The following SNTB1 variants were observed in gnomAD, a reference collection of about 807,000 sequenced individuals.
The protein encoded by SNTB1 is syntrophin beta 1.
A neutral mutation model predicts 48.9 loss-of-function variants in SNTB1; 36 were observed. The ratio of observed to expected loss-of-function variants is 0.74; its 90% CI spans 0.56 to 0.97. The LOEUF is 0.97. SNTB1 is among the 50% of genes least tolerant of loss of function. The probability of loss-of-function intolerance (pLI) is 0.00; values close to 1 mark genes in which losing one functional copy is unlikely to be tolerated. For synonymous variants in SNTB1, 299 were observed against 294.6 expected (o/e 1.01, Z -0.15); for missense variants, 786 against 703.4 (o/e 1.12, Z -1.33).
At chr8:120,632,399 A>T in intron 3 of SNTB1, 45 bp downstream of exon 3, 1 of 1,549,872 alleles carries the variant, frequency 6.5e-7, no homozygotes, top group Non-Finnish European at 8.8e-7. Context: ...GCGCTGGGGG[A>T]ATCTCGGGGA....
intron 4 of SNTB1, among the ~76,000 whole-genome samples, chr8:120,567,766 G>C (rs1011609876): frequency 1.2e-4 from 18 of 150,360 alleles, no homozygotes; most frequent in African/African-American, 4.2e-4. Flanking sequence ...AAGGTGATTA[G>C]TTAGTAGACA....
intron 3 of SNTB1, among the ~76,000 whole-genome samples, chr8:120,611,823 A>G (rs796754626): frequency 2.3e-5 from 1 of 44,076 alleles, no homozygotes; most frequent in Non-Finnish European, 8.6e-5. Context: ...CTCTGTCTCG[A>G]AAAAAAAAAA....
chr8:120,760,624 C>T (rs997110578), intron 1 of SNTB1, among the ~76,000 whole-genome samples: 2 of 152,010 alleles, frequency 1.3e-5, no homozygotes, highest in Non-Finnish European at 2.9e-5. Context: ...AAGAAAAATC[C>T]CCTCATCCTT....
At chr8:120,554,487 G>A (rs1815532609) in intron 4 of SNTB1, among the ~76,000 whole-genome samples, 1 of 152,284 alleles carries the variant, frequency 6.6e-6, no homozygotes, top group Admixed American at 6.5e-5. Flanking sequence ...GATTGGTTTT[G>A]ACCTGCGTGG....
intron 1 of SNTB1, among the ~76,000 whole-genome samples, chr8:120,736,199 A>G (rs1818940867): frequency 6.6e-6 from 1 of 152,132 alleles, no homozygotes. Flanking sequence ...AACTGTCCCC[A>G]TGATTCAATT....
intron 3 of SNTB1, among the ~76,000 whole-genome samples, chr8:120,596,277 T>C (rs1423320321): frequency 6.6e-6 from 1 of 152,186 alleles, no homozygotes; most frequent in Non-Finnish European, 1.5e-5. Flanking sequence ...CAAAAATCTA[T>C]CATGATATTT....
chr8:120,705,516 A>G (rs1439702785), intron 1 of SNTB1, among the ~76,000 whole-genome samples: 1 of 152,220 alleles, frequency 6.6e-6, no homozygotes, highest in Non-Finnish European at 1.5e-5. Context: ...TGGGTTCAAT[A>G]TAAGAAAAGA....
At chr8:120,608,212 T>G (rs4314683) in intron 3 of SNTB1, among the ~76,000 whole-genome samples, 1 of 151,886 alleles carries the variant, frequency 6.6e-6, no homozygotes, top group Non-Finnish European at 1.5e-5. Flanking sequence ...AATTTCAAAT[T>G]GCAAAAGATA....
intron 4 of SNTB1, among the ~76,000 whole-genome samples, chr8:120,572,651 G>C (rs1424510002): frequency 6.6e-6 from 1 of 152,200 alleles, no homozygotes; most frequent in East Asian, 1.9e-4. Context: ...CACTATGGGA[G>C]GCCGAGGGAG....
At chr8:120,757,955 GA>G (rs1468054623) in intron 1 of SNTB1, among the ~76,000 whole-genome samples, 1 of 152,194 alleles carries the variant, frequency 6.6e-6, no homozygotes, top group Non-Finnish European at 1.5e-5. Flanking sequence ...AAACTGGAAA[GA>G]AAAGTAGTAA....
rs1171141442 is a variant in SNTB1 at position 120,536,516 on chromosome 8, T to C, written c.*2361A>G. ...TTCAAAATAAGAAAGAAATGAGTATTGGAAATTGATTCATTAGAGCCTCTC... is the reference window on the plus strand; with the variant it reads ...TTCAAAATAAGAAAGAAATGAGTATCGGAAATTGATTCATTAGAGCCTCTC... On this transcript the variant is annotated 3_prime_UTR_variant, in exon 7 of 7. Transcript: ENST00000517992. 1 of 152,176 alleles carries C rather than the reference T, an allele frequency of 6.6e-6. No homozygotes were observed. The highest frequency in any genetic ancestry group is 1.9e-4 in the East Asian group (1 of 5,196). The allele number at this position is 152,176 out of a possible 1,614,324, so 9.4% of individuals were successfully genotyped here.
intron 1 of SNTB1, among the ~76,000 whole-genome samples, chr8:120,760,125 T>C (rs1056691552): frequency 2.0e-5 from 3 of 152,206 alleles, no homozygotes; most frequent in Non-Finnish European, 4.4e-5. Flanking sequence ...GAATTTGATA[T>C]AATTTTTACA....
At chr8:120,584,595 A>G (rs1317752112) in intron 3 of SNTB1, among the ~76,000 whole-genome samples, 1 of 152,132 alleles carries the variant, frequency 6.6e-6, no homozygotes, top group Non-Finnish European at 1.5e-5. Flanking sequence ...TCAAGGGAGG[A>G]AAGGGCTGAG....
intron 1 of SNTB1, among the ~76,000 whole-genome samples, chr8:120,713,035 C>A (rs139106560): frequency 3.9e-5 from 6 of 152,166 alleles, no homozygotes; most frequent in Admixed American, 2.6e-4. Flanking sequence ...TGCATTGACT[C>A]CATAGTGGAG....
intron 2 of SNTB1, among the ~76,000 whole-genome samples, chr8:120,681,189 T>C (rs183676372): frequency 6.6e-6 from 1 of 152,350 alleles, no homozygotes; most frequent in African/African-American, 2.4e-5. Flanking sequence ...ATCTTTTGTG[T>C]ACTCTGTTAT....
At chr8:120,716,695 G>T (rs542398116) in intron 1 of SNTB1, among the ~76,000 whole-genome samples, 1 of 152,276 alleles carries the variant, frequency 6.6e-6, no homozygotes, top group Admixed American at 6.5e-5. Context: ...TCAGCTTGGC[G>T]GTGCCTTGCA....
intron 1 of SNTB1, among the ~76,000 whole-genome samples, chr8:120,798,810 G>A (rs188628815): frequency 3.9e-5 from 6 of 152,146 alleles, no homozygotes; most frequent in Admixed American, 3.3e-4. Flanking sequence ...CTAGGGCTGC[G>A]TGCAATACAC....
chr8:120,709,660 C>A (rs1360154748), intron 1 of SNTB1, among the ~76,000 whole-genome samples: 1 of 152,026 alleles, frequency 6.6e-6, no homozygotes, highest in Non-Finnish European at 1.5e-5. Context: ...TACCTAAGAC[C>A]CTACAGCCTC....
intron 3 of SNTB1, among the ~76,000 whole-genome samples, chr8:120,622,399 C>T (rs545314277): frequency 1.1e-4 from 17 of 152,240 alleles, no homozygotes; most frequent in African/African-American, 4.1e-4. Flanking sequence ...AGCTTACAAA[C>T]CTGAAAATAC....
Sources: allele counts gnomAD v4.1 joint callset (sites outside exome capture counted in the v4.1 genomes callset), GRCh38; gene constraint gnomAD v4.1.1; transcripts MANE v1.5; gene names NCBI Gene and HGNC (gene_info 2026-07-23, HGNC 2026-07-21).